Variants in ZMYND11 observed in about 807,000 individuals in gnomAD.
ZMYND11 encodes zinc finger MYND domain-containing protein 11.
Under a neutral mutation model 84.9 loss-of-function variants are expected in ZMYND11, and 9 were observed. That is an observed-to-expected ratio of 0.11 (90% CI 0.06 to 0.18). The LOEUF (loss-of-function observed/expected upper bound fraction) is 0.18. Among genes scored for constraint, ZMYND11 ranks in the 10% least tolerant of loss-of-function variants. The probability of loss-of-function intolerance (pLI) is 1.00; values close to 1 mark genes in which losing one functional copy is unlikely to be tolerated. For missense variants in ZMYND11, 409 were observed against 761.0 expected (o/e 0.54, Z 5.44); for synonymous variants, 250 against 244.1 (o/e 1.02, Z -0.23).
intron 9 of ZMYND11, 98 bp downstream of exon 9, chr10:241,068 A>G (rs1312855132): frequency 1.1e-6 from 1 of 924,472 alleles, no homozygotes; most frequent in Admixed American, 2.6e-5. Flanking sequence ...AAATTTTTAA[A>G]ATATCATAGT....
intron 3 of ZMYND11, among the ~76,000 whole-genome samples, chr10:217,135 A>G (rs1372068296): frequency 6.6e-6 from 1 of 152,214 alleles, no homozygotes; most frequent in East Asian, 1.9e-4. Flanking sequence ...CTATTCAAAC[A>G]GTTCTTCCAC....
upstream of ZMYND11, among the ~76,000 whole-genome samples, chr10:130,500 A>C (rs1182618255): frequency 6.6e-6 from 1 of 152,228 alleles, no homozygotes; most frequent in Non-Finnish European, 1.5e-5. Context: ...AGCCACTAAT[A>C]CTGAAGTTAT....
intron 1 of ZMYND11, among the ~76,000 whole-genome samples, chr10:139,183 G>A (rs544233367): frequency 6.6e-6 from 1 of 152,264 alleles, no homozygotes; most frequent in Non-Finnish European, 1.5e-5. Context: ...AAAATACACA[G>A]TGTGAGAGTT....
intron 1 of ZMYND11, among the ~76,000 whole-genome samples, chr10:171,867 A>T (rs552632322): frequency 3.9e-4 from 60 of 152,304 alleles, no homozygotes; most frequent in African/African-American, 8.2e-4. Context: ...GTCATATAGG[A>T]AGTCCTAGCT....
At chr10:205,703 A>AAAAAAT (rs1289348701) in intron 2 of ZMYND11, among the ~76,000 whole-genome samples, 1 of 150,530 alleles carries the variant, frequency 6.6e-6, no homozygotes, top group Non-Finnish European at 1.5e-5. Flanking sequence ...AATAAAAAAT[A>AAAAAAT]AAAAAAAAGG....
intron 2 of ZMYND11, among the ~76,000 whole-genome samples, chr10:185,246 C>G (rs1937896214): frequency 6.6e-6 from 1 of 152,070 alleles, no homozygotes; most frequent in Non-Finnish European, 1.5e-5. Flanking sequence ...TTGTGCCTCT[C>G]TGTCTTCTGT....
intron 2 of ZMYND11, among the ~76,000 whole-genome samples, chr10:203,903 T>G (rs535377992): frequency 1.6e-4 from 25 of 152,182 alleles, no homozygotes; most frequent in Non-Finnish European, 3.1e-4. Flanking sequence ...AAAAATGTAA[T>G]ATAGAGCTTA....
intron 4 of ZMYND11, among the ~76,000 whole-genome samples, chr10:224,560 A>G (rs1038308771): frequency 8.5e-5 from 13 of 152,346 alleles, no homozygotes; most frequent in East Asian, 1.9e-4. Context: ...AAAAAATTCA[A>G]ATAATTTAGG....
At position 135,987 on chromosome 10, in the gene ZMYND11, C is replaced by T. The variant is rs1407861558; in HGVS notation, c.-20+428C>T. 8.6e-5 allele frequency among the ~76,000 whole-genome samples: 13 copies of T among 151,692 alleles called. No individual in the cohort carries two copies. Among genetic ancestry groups the T allele is most frequent in the Admixed American group, 2.0e-4 (3 of 15,248 alleles). ...TCCGGGCCGGCGGGGAACGCGGCTCCGGGCGTGTGGCGGGCGGAGAGGAAG... is the reference window on the plus strand; with the variant it reads ...TCCGGGCCGGCGGGGAACGCGGCTCTGGGCGTGTGGCGGGCGGAGAGGAAG... On this transcript the variant is annotated intron_variant, in intron 1 of 14. Coordinates refer to ENST00000381604, the MANE Select transcript of ZMYND11 (RefSeq NM_001370100.5). The surrounding 1 kb of genome is among the most constrained non-coding windows in gnomAD (Gnocchi z 5.6).
intron 1 of ZMYND11, among the ~76,000 whole-genome samples, chr10:171,253 T>C (rs1324269587): frequency 6.6e-6 from 1 of 152,120 alleles, no homozygotes; most frequent in Non-Finnish European, 1.5e-5. Flanking sequence ...CTAGCAAAAA[T>C]AGATTGATCT....
At chr10:235,570 A>G (rs1949811309) in intron 4 of ZMYND11, among the ~76,000 whole-genome samples, 1 of 152,240 alleles carries the variant, frequency 6.6e-6, no homozygotes, top group African/African-American at 2.4e-5. Context: ...CCCTGCCACC[A>G]GAAGTCACAA....
chr10:179,421 C>T (rs1466821833), intron 1 of ZMYND11, among the ~76,000 whole-genome samples: 1 of 152,138 alleles, frequency 6.6e-6, no homozygotes, highest in East Asian at 1.9e-4. Context: ...AGAATGTTAC[C>T]ATTCTTCATA....
intron 14 of ZMYND11, among the ~76,000 whole-genome samples, chr10:250,213 C>A (rs186986777): frequency 3.2e-4 from 49 of 152,328 alleles, no homozygotes; most frequent in Admixed American, 1.6e-3. Flanking sequence ...GTTCCAGGTG[C>A]TTCTCCCCCC....
chr10:181,357 G>A (rs1230753196), intron 2 of ZMYND11, among the ~76,000 whole-genome samples: 7 of 152,318 alleles, frequency 4.6e-5, no homozygotes, highest in South Asian at 2.1e-4. Flanking sequence ...AGTGGCTCAC[G>A]CCTGTAATCC....
chr10:235,582 C>G (rs1949812104), intron 4 of ZMYND11, among the ~76,000 whole-genome samples: 1 of 152,176 alleles, frequency 6.6e-6, no homozygotes. Context: ...AAGTCACAAC[C>G]CAGATGCTCA....
At chr10:215,471 C>T (rs974777847) in intron 3 of ZMYND11, among the ~76,000 whole-genome samples, 5 of 151,906 alleles carry the variant, frequency 3.3e-5, no homozygotes, top group Admixed American at 6.6e-5. Flanking sequence ...GTCCTTCTAC[C>T]GGTATGTTTT....
intron 14 of ZMYND11, among the ~76,000 whole-genome samples, chr10:250,875 T>A (rs1953310207): frequency 6.6e-6 from 1 of 152,068 alleles, no homozygotes; most frequent in South Asian, 2.1e-4. Flanking sequence ...ATACAAAAAT[T>A]AGCCGGGCGT....
At chr10:198,032 A>T (rs956755240) in intron 2 of ZMYND11, 5 of 596,128 alleles carry the variant, frequency 8.4e-6, no homozygotes, top group Non-Finnish European at 1.5e-5. Flanking sequence ...AAAGTTGGTA[A>T]AATTTGGGGA....
At chr10:209,021 A>G (rs111428804) in intron 2 of ZMYND11, among the ~76,000 whole-genome samples, 51 of 150,856 alleles carry the variant, frequency 3.4e-4, no homozygotes, top group East Asian at 1.9e-3. Flanking sequence ...GTGTGTGTGT[A>G]TATATATATG....
Sources: allele counts gnomAD v4.1 joint callset (sites outside exome capture counted in the v4.1 genomes callset), GRCh38; gene constraint gnomAD v4.1.1; non-coding constraint Gnocchi (gnomAD v3.1); transcripts MANE v1.5; gene names NCBI Gene and HGNC (gene_info 2026-07-23, HGNC 2026-07-21).